BABAM2: variants seen among roughly 807,000 people sequenced by gnomAD.
The protein encoded by BABAM2 is BRISC and BRCA1 A complex member 2.
Under a neutral mutation model 54.7 loss-of-function variants are expected in BABAM2, and 31 were observed. That is an observed-to-expected ratio of 0.57 (90% CI 0.43 to 0.77). BABAM2 has a LOEUF of 0.77. Ranked by LOEUF, BABAM2 falls within the 30% of genes least tolerant of loss-of-function variation. The pLI, the probability that BABAM2 is intolerant of heterozygous loss-of-function variation, is 0.00. For synonymous variants in BABAM2, 167 were observed against 162.9 expected, an observed-to-expected ratio of 1.03 and a Z score of -0.19; for missense variants, 364 against 455.8, an observed-to-expected ratio of 0.80 and a Z score of 1.83.
chr2:27,920,683 C>A (rs1214790420), intron 2 of BABAM2, among the ~76,000 whole-genome samples: 1 of 152,092 alleles, frequency 6.6e-6, no homozygotes, highest in Non-Finnish European at 1.5e-5. Flanking sequence ...ATCAAGAAAA[C>A]AGGAAGCTAT....
At chr2:28,157,949 C>T (rs995928585) in intron 7 of BABAM2, among the ~76,000 whole-genome samples, 2 of 152,064 alleles carry the variant, frequency 1.3e-5, no homozygotes, top group African/African-American at 4.8e-5. Flanking sequence ...GTCAGGCAGG[C>T]CTGGGTTCTA....
chr2:27,977,925 C>G (rs1671713507), intron 3 of BABAM2, among the ~76,000 whole-genome samples: 2 of 152,138 alleles, frequency 1.3e-5, no homozygotes, highest in African/African-American at 4.8e-5. Flanking sequence ...CCATAAAGTT[C>G]TCAGAACCAG....
chr2:28,013,471 A>G, intron 4 of BABAM2: 2 of 442,738 alleles, frequency 4.5e-6, no homozygotes, highest in Non-Finnish European at 9.0e-6. Context: ...GTCCTATCAC[A>G]AACTTTTATG....
rs764318007 is a variant in BABAM2 at position 28,045,719 on chromosome 2, T to C, written c.496-6T>C. The C allele has an allele frequency of 2.5e-6, 4 of 1,608,128 alleles. No individual in the cohort carries two copies. The African/African-American group carries it at 5.3e-5, about 21-fold the overall frequency. ...TAATCTTATTATTATAACTTTCTTTTTACAGACTGGTGAATTTTCAGCTCG... is the reference window on the plus strand; with the variant it reads ...TAATCTTATTATTATAACTTTCTTTCTACAGACTGGTGAATTTTCAGCTCG... On this transcript the variant is annotated splice_polypyrimidine_tract_variant and splice_region_variant and intron_variant, in intron 5 of 11. Coordinates refer to ENST00000379624, the MANE Select transcript of BABAM2 (RefSeq NM_199191.3).
intron 4 of BABAM2, among the ~76,000 whole-genome samples, chr2:27,999,808 A>C (rs974482843): frequency 1.3e-5 from 2 of 152,226 alleles, no homozygotes; most frequent in Non-Finnish European, 2.9e-5. Context: ...TTTATTATAC[A>C]TTTAAAAAGA....
chr2:28,326,641 C>T (rs910242798), intron 11 of BABAM2, among the ~76,000 whole-genome samples: 1 of 152,296 alleles, frequency 6.6e-6, no homozygotes, highest in Non-Finnish European at 1.5e-5. Flanking sequence ...GACTGGCTCA[C>T]GCTCCGCCTA....
intron 2 of BABAM2, among the ~76,000 whole-genome samples, chr2:27,895,467 G>GT (rs1278290266): frequency 6.6e-6 from 1 of 152,116 alleles, no homozygotes; most frequent in Admixed American, 6.5e-5. Flanking sequence ...TGAAAAATAT[G>GT]TTTTTTTCCC....
intron 2 of BABAM2, among the ~76,000 whole-genome samples, chr2:27,912,425 CTT>C (rs1446914629): frequency 6.6e-6 from 1 of 151,964 alleles, no homozygotes; most frequent in Non-Finnish European, 1.5e-5. Context: ...ATAAAAGTAT[CTT>C]TTGGAATTGT....
At chr2:28,050,429 G>A (rs983849421) in intron 6 of BABAM2, among the ~76,000 whole-genome samples, 2 of 152,118 alleles carry the variant, frequency 1.3e-5, no homozygotes, top group East Asian at 1.9e-4. Context: ...CTATGACCCA[G>A]TGGGTAACAG....
At chr2:28,127,200 A>G (rs954499011) in intron 6 of BABAM2, among the ~76,000 whole-genome samples, 12 of 152,328 alleles carry the variant, frequency 7.9e-5, no homozygotes, top group African/African-American at 2.9e-4. Context: ...TATTTTAGAC[A>G]TGAAGTCCTT....
intron 6 of BABAM2, among the ~76,000 whole-genome samples, chr2:28,087,897 A>T (rs540186454): frequency 6.6e-6 from 1 of 152,100 alleles, no homozygotes; most frequent in African/African-American, 2.4e-5. Context: ...TGATCTGCCC[A>T]TCTTGGCCTC....
At chr2:28,264,949 C>T (rs981038941) in intron 10 of BABAM2, among the ~76,000 whole-genome samples, 1 of 152,196 alleles carries the variant, frequency 6.6e-6, no homozygotes, top group Non-Finnish European at 1.5e-5. Context: ...GTTTTAACAA[C>T]TAGAAAGTCA....
At chr2:28,070,853 A>G (rs1298752167) in intron 6 of BABAM2, among the ~76,000 whole-genome samples, 1 of 152,148 alleles carries the variant, frequency 6.6e-6, no homozygotes, top group South Asian at 2.1e-4. Flanking sequence ...GTTACACTCA[A>G]GATTTGTGCA....
chr2:28,133,077 G>A (rs560043133), intron 7 of BABAM2, among the ~76,000 whole-genome samples: 1 of 152,278 alleles, frequency 6.6e-6, no homozygotes, highest in Admixed American at 6.5e-5. Flanking sequence ...TCTTTAAGTA[G>A]AAGTTTTCAA....
At position 28,115,768 on chromosome 2, in the gene BABAM2, A is replaced by G. The variant is rs575700720; in HGVS notation, c.571-13503A>G. Reference sequence around the variant, plus strand: ...AGCAGAGACCTGATGGAGTGATGACATGGAGTGTGGGAACCTGCAGTAGTT... The same window carrying G: ...AGCAGAGACCTGATGGAGTGATGACGTGGAGTGTGGGAACCTGCAGTAGTT... On this transcript the variant is annotated intron_variant, in intron 6 of 11. Coordinates refer to ENST00000379624, the MANE Select transcript of BABAM2 (RefSeq NM_199191.3). Among the ~76,000 whole-genome samples the G allele has an allele frequency of 2.0e-4, 30 of 152,096 alleles. 1 individual carries two copies. Among genetic ancestry groups the G allele is most frequent in the Admixed American group, 2.0e-3 (30 of 15,260 alleles).
chr2:27,900,809 C>T (rs184947908), intron 2 of BABAM2, among the ~76,000 whole-genome samples: 7 of 152,060 alleles, frequency 4.6e-5, no homozygotes, highest in Admixed American at 3.3e-4. Flanking sequence ...TTTGGGAGGC[C>T]GAGGCGGGCA....
At chr2:27,917,449 A>G (rs1414430981) in intron 2 of BABAM2, among the ~76,000 whole-genome samples, 2 of 152,206 alleles carry the variant, frequency 1.3e-5, no homozygotes, top group South Asian at 2.1e-4. Flanking sequence ...GTCCAGGATC[A>G]TGGCTCTGGT....
At chr2:28,150,381 C>T (rs1444676215) in intron 7 of BABAM2, among the ~76,000 whole-genome samples, 1 of 152,152 alleles carries the variant, frequency 6.6e-6, no homozygotes, top group Non-Finnish European at 1.5e-5. Context: ...GCCTTGGATA[C>T]ATGGCAATAC....
Position 28,338,551 on chromosome 2 carries a change from T to C in BABAM2, c.*38T>C. The C allele has an allele frequency of 6.2e-7, 1 of 1,608,338 alleles. No individual in the cohort carries two copies. Among genetic ancestry groups the C allele is most frequent in the Non-Finnish European group, 8.5e-7 (1 of 1,174,950 alleles). On this transcript the variant is annotated 3_prime_UTR_variant, in exon 12 of 12. Coordinates refer to ENST00000379624, the MANE Select transcript of BABAM2 (RefSeq NM_199191.3). ...TTGAGAGGTGGCCAGCCAGACTGCCTGTCCACATGCGTGTCAGCACATACA... is the reference window on the plus strand; with the variant it reads ...TTGAGAGGTGGCCAGCCAGACTGCCCGTCCACATGCGTGTCAGCACATACA...
Sources: allele counts gnomAD v4.1 joint callset (sites outside exome capture counted in the v4.1 genomes callset), GRCh38; gene constraint gnomAD v4.1.1; transcripts MANE v1.5; gene names NCBI Gene and HGNC (gene_info 2026-07-23, HGNC 2026-07-21).